GRID2: variants seen among roughly 807,000 people sequenced by gnomAD.
GRID2 encodes the protein glutamate ionotropic receptor delta type subunit 2, also known as glutamate receptor ionotropic, delta-2.
Under a neutral mutation model 114.8 loss-of-function variants are expected in GRID2, and 33 were observed. That is an observed-to-expected ratio of 0.29 (90% CI 0.22 to 0.38). GRID2 has a LOEUF of 0.38. GRID2 is among the 10% of genes least tolerant of loss of function. The probability of loss-of-function intolerance (pLI) is 1.00; values close to 1 mark genes in which losing one functional copy is unlikely to be tolerated. For missense variants in GRID2, 1,184 were observed against 1,257.7 expected (o/e 0.94, Z 0.89); for synonymous variants, 505 against 449.9 (o/e 1.12, Z -1.55).
intron 2 of GRID2, among the ~76,000 whole-genome samples, chr4:92,826,169 C>G (rs1741683876): frequency 6.6e-6 from 1 of 152,134 alleles, no homozygotes; most frequent in African/African-American, 2.4e-5. Context: ...CCTACCTTCT[C>G]TGAACTCATT....
At chr4:92,350,544 T>A (rs2110182091) in intron 1 of GRID2, among the ~76,000 whole-genome samples, 1 of 151,974 alleles carries the variant, frequency 6.6e-6, no homozygotes, top group East Asian at 1.9e-4. Flanking sequence ...CTATCTTCAA[T>A]ATTTATCTAT....
At chr4:92,453,469 C>CAT (rs1445169001) in intron 1 of GRID2, among the ~76,000 whole-genome samples, 3 of 152,032 alleles carry the variant, frequency 2.0e-5, no homozygotes, top group Non-Finnish European at 4.4e-5. Context: ...TATTCATATA[C>CAT]ATATATGCAT....
intron 2 of GRID2, among the ~76,000 whole-genome samples, chr4:93,065,073 GA>G (rs1728181323): frequency 6.6e-6 from 1 of 151,786 alleles, no homozygotes; most frequent in African/African-American, 2.4e-5. Context: ...AAAAACGGGG[GA>G]AATATAGGGA....
At chr4:92,739,399 TAA>T (rs1399057635) in intron 2 of GRID2, among the ~76,000 whole-genome samples, 1 of 152,200 alleles carries the variant, frequency 6.6e-6, no homozygotes, top group Admixed American at 6.5e-5. Flanking sequence ...GTGATGTCTT[TAA>T]ACACACTTTA....
chr4:92,652,140 A>G (rs1440680785), intron 2 of GRID2, among the ~76,000 whole-genome samples: 1 of 152,062 alleles, frequency 6.6e-6, no homozygotes, highest in East Asian at 1.9e-4. Flanking sequence ...TCAGTTTATT[A>G]TGGGCAGAAC....
chr4:92,929,194 T>A (rs551985621), intron 2 of GRID2, among the ~76,000 whole-genome samples: 1 of 151,552 alleles, frequency 6.6e-6, no homozygotes, highest in South Asian at 2.1e-4. Context: ...TCTTTTTTTT[T>A]ATTGTTAAAT....
intron 13 of GRID2, among the ~76,000 whole-genome samples, chr4:93,561,294 C>T (rs565928345): frequency 3.3e-5 from 5 of 152,144 alleles, no homozygotes; most frequent in Non-Finnish European, 7.4e-5. Context: ...TTAGTACCAG[C>T]TTTTTAGAGA....
At chr4:92,959,546 A>T (rs570734210) in intron 2 of GRID2, among the ~76,000 whole-genome samples, 1 of 152,130 alleles carries the variant, frequency 6.6e-6, no homozygotes, top group Non-Finnish European at 1.5e-5. Context: ...CTATAAAGAC[A>T]CATTCACATT....
At chr4:93,139,404 T>C (rs1197772716) in intron 4 of GRID2, among the ~76,000 whole-genome samples, 4 of 152,102 alleles carry the variant, frequency 2.6e-5, no homozygotes, top group Non-Finnish European at 4.4e-5. Context: ...GAGGCTTCCA[T>C]AGGGCCCACA....
At chr4:93,440,487 G>A (rs1209304856) in intron 10 of GRID2, among the ~76,000 whole-genome samples, 10 of 152,156 alleles carry the variant, frequency 6.6e-5, no homozygotes, top group African/African-American at 2.2e-4. Context: ...GCTGTACACA[G>A]GCAGGAAGTT....
intron 1 of GRID2, among the ~76,000 whole-genome samples, chr4:92,410,643 A>C (rs1206827110): frequency 2.0e-5 from 3 of 152,136 alleles, no homozygotes; most frequent in African/African-American, 7.2e-5. Flanking sequence ...CTTCAAGCAC[A>C]TTTTAGATGT....
chr4:93,049,737 TAATATA>T (rs779991227), intron 2 of GRID2, among the ~76,000 whole-genome samples: 4 of 152,030 alleles, frequency 2.6e-5, no homozygotes, highest in Non-Finnish European at 5.9e-5. Flanking sequence ...TTTTGCTCAC[TAATATA>T]AATATATGTG....
intron 8 of GRID2, among the ~76,000 whole-genome samples, chr4:93,304,757 TA>T (rs780093831): frequency 7.2e-5 from 11 of 151,898 alleles, no homozygotes; most frequent in East Asian, 1.9e-4. Context: ...AGGTAGCAAA[TA>T]TTTTTTTAAT....
chr4:93,160,906 A>G (rs1056078530), intron 4 of GRID2, among the ~76,000 whole-genome samples: 1 of 151,800 alleles, frequency 6.6e-6, no homozygotes, highest in Non-Finnish European at 1.5e-5. Context: ...AAAATTTGAC[A>G]ACACTTTGTC....
chr4:93,288,412 A>G (rs1158475398), intron 8 of GRID2, among the ~76,000 whole-genome samples: 1 of 152,186 alleles, frequency 6.6e-6, no homozygotes, highest in East Asian at 1.9e-4. Flanking sequence ...CCAAGACTTC[A>G]GAACTCATAT....
At chr4:92,702,460 T>C (rs1734727120) in intron 2 of GRID2, 2 of 152,132 alleles carry the variant, frequency 1.3e-5, no homozygotes, top group African/African-American at 4.8e-5. Flanking sequence ...TCCAATATTT[T>C]AGGCCCCTAT....
intron 1 of GRID2, among the ~76,000 whole-genome samples, chr4:92,378,898 T>C (rs1261503410): frequency 2.0e-5 from 3 of 152,022 alleles, no homozygotes; most frequent in Non-Finnish European, 4.4e-5. Context: ...AACCAGTATA[T>C]TTTATTTATT....
intron 2 of GRID2, among the ~76,000 whole-genome samples, chr4:93,040,903 A>G (rs1240168853): frequency 2.0e-5 from 3 of 152,084 alleles, no homozygotes; most frequent in Non-Finnish European, 2.9e-5. Context: ...TTTGCATTCT[A>G]TCTTTCTGGT....
chr4:92,685,387 T>C (rs1369644104), intron 2 of GRID2, among the ~76,000 whole-genome samples: 1 of 151,896 alleles, frequency 6.6e-6, no homozygotes, highest in African/African-American at 2.4e-5. Flanking sequence ...AGAAATGGGG[T>C]TTACTTCCTG....
Sources: gnomAD v4.1 joint callset for allele counts (sites outside exome capture counted in the v4.1 genomes callset) on GRCh38, gnomAD v4.1.1 for gene constraint, MANE v1.5 for transcripts, NCBI Gene and HGNC (gene_info 2026-07-23, HGNC 2026-07-21) for gene names.